Variants in UBN2 observed in about 807,000 individuals in gnomAD.
UBN2 encodes the protein ubinuclein 2, also known as ubinuclein-2.
A neutral mutation model predicts 120.2 loss-of-function variants in UBN2; 35 were observed. The observed-to-expected ratio is 0.29, with a 90% CI of 0.22 to 0.39. The LOEUF (loss-of-function observed/expected upper bound fraction) is 0.39, where lower values mean the gene tolerates loss of function less well. Among genes scored for constraint, UBN2 ranks in the 10% least tolerant of loss-of-function variants. The pLI, the probability that UBN2 is intolerant of heterozygous loss-of-function variation, is 1.00. For missense variants in UBN2, 1,693 were observed against 1,663.2 expected, an observed-to-expected ratio of 1.02 and a Z score of -0.31; for synonymous variants, 661 against 648.7, an observed-to-expected ratio of 1.02 and a Z score of -0.29.
rs1161484759 is a variant in UBN2, at chr7:139,289,414, C to CTTTTTTTT, written c.3670-3809_3670-3802dup. Reference sequence around the variant, plus strand: ...ATTGCCCTCCCTAATTTACATTTTGCTTTTTTTTTTTTTTTTGAGACAGGG... The same window carrying CTTTTTTTT: ...ATTGCCCTCCCTAATTTACATTTTGCTTTTTTTTTTTTTTTTTTTTTTTTGAGACAGGG... On this transcript the variant is annotated intron_variant, in intron 15 of 17. Coordinates refer to ENST00000473989, the MANE Select transcript of UBN2 (RefSeq NM_173569.4). Among the ~76,000 whole-genome samples, 16 of 125,792 alleles carry CTTTTTTTT rather than the reference C, an allele frequency of 1.3e-4. 2 individuals carry two copies. The highest frequency in any genetic ancestry group is 4.4e-4 in the African/African-American group (14 of 32,178). 82.5% of individuals were successfully genotyped at this position (125,792 alleles called of 152,430 possible).
chr7:139,308,493 T>C (rs1337789675), downstream of UBN2, among the ~76,000 whole-genome samples: 8 of 152,158 alleles, frequency 5.3e-5, no homozygotes, highest in Admixed American at 5.2e-4. Context: ...GAGTTCACAG[T>C]GGGGAAGAAA....
In UBN2 at chr7:139,266,177, G is replaced by A. The variant is rs74889126; in HGVS notation, c.1396-156G>A. Among the ~76,000 whole-genome samples the A allele has an allele frequency of 8.7e-3, 1,231 of 141,162 alleles. 10 individuals are homozygous for A. The highest frequency in any genetic ancestry group is 0.015 in the Non-Finnish European group (967 of 66,356). 92.6% of individuals were successfully genotyped at this position (141,162 alleles called of 152,430 possible). The stretch of plus-strand genomic sequence containing the variant: ...AAGCTGTAAGGTGGGAGGATTGCTT[G>A]AGCCCAGAAGTTTGATACCAACCTG... On this transcript the variant is annotated intron_variant, in intron 6 of 17. Transcript: ENST00000473989.
chr7:139,321,219 G>T, the UBN2 span, among the ~76,000 whole-genome samples: 6 of 152,200 alleles, frequency 3.9e-5, no homozygotes, highest in Non-Finnish European at 5.9e-5. Context: ...GCTCCACATT[G>T]GGAAGGATTA....
At chr7:139,250,982 C>T (rs1485177067) in intron 2 of UBN2, among the ~76,000 whole-genome samples, 1 of 151,836 alleles carries the variant, frequency 6.6e-6, no homozygotes, top group Non-Finnish European at 1.5e-5. Flanking sequence ...GAGGCATGCA[C>T]CTGTAGTCCC....
chr7:139,247,277 C>T (rs1796497203), intron 2 of UBN2, among the ~76,000 whole-genome samples: 1 of 152,040 alleles, frequency 6.6e-6, no homozygotes, highest in Non-Finnish European at 1.5e-5. Context: ...GATGTCATCA[C>T]TCTTAATTTT....
chr7:139,253,116 A>G (rs1031736557), intron 3 of UBN2, among the ~76,000 whole-genome samples: 17 of 152,204 alleles, frequency 1.1e-4, no homozygotes, highest in African/African-American at 3.9e-4. Flanking sequence ...ACATGGATAT[A>G]ATCCTTTTAA....
chr7:139,282,000 C>T lies in UBN2; in HGVS notation c.2068-5C>T, dbSNP rs750661554. The T allele has an allele frequency of 2.5e-6, 4 of 1,612,996 alleles. No individual in the cohort carries two copies. The highest frequency in any genetic ancestry group is 3.4e-6 in the Non-Finnish European group (4 of 1,179,282). ...TCTTAACAGCTTGCTTATGTAATAC[C>T]TTAGGAGGTGATGGTAAAGACCCTT... is the stretch of plus-strand genomic sequence containing the variant. On this transcript the variant is annotated splice_region_variant and splice_polypyrimidine_tract_variant and intron_variant, in intron 13 of 17. Coordinates refer to ENST00000473989, the MANE Select transcript of UBN2 (RefSeq NM_173569.4).
chr7:139,268,477 A>G (rs1021222276), intron 7 of UBN2, among the ~76,000 whole-genome samples: 1 of 152,266 alleles, frequency 6.6e-6, no homozygotes, highest in Admixed American at 6.5e-5. Context: ...TTGCTTCCTT[A>G]TACTAGGGAA....
chr7:139,267,473 C>T (rs1029165454), intron 7 of UBN2, among the ~76,000 whole-genome samples: 1 of 151,304 alleles, frequency 6.6e-6, no homozygotes, highest in African/African-American at 2.4e-5. Context: ...GAGATTGAGC[C>T]TGCAGTGAAC....
In UBN2 at chr7:139,237,043, A is replaced by G. The variant is rs1470320544; in HGVS notation, c.507A>G (p.Glu169=). ...LIHTEDPFND[E]HQERQEVEML... is the part of the protein sequence containing the mutation. ...ACACAGAAGACCCATTTAATGATGAACATCAGGAGAGGCAAGAGGTGGAAA... is the reference window on the plus strand; with the variant it reads ...ACACAGAAGACCCATTTAATGATGAGCATCAGGAGAGGCAAGAGGTGGAAA... Residue 169 remains glutamate (E), a synonymous_variant, in exon 2 of 18, where the codon GAA becomes GAG. Transcript: ENST00000473989. 1.5e-5 allele frequency: 24 copies of G among 1,611,664 alleles called. No individual in the cohort carries two copies. Among genetic ancestry groups the G allele is most frequent in the African/African-American group, 4.0e-5 (3 of 74,870 alleles).
chr7:139,270,221 C>G (rs1164662781), intron 8 of UBN2, among the ~76,000 whole-genome samples: 1 of 150,778 alleles, frequency 6.6e-6, no homozygotes, highest in Non-Finnish European at 1.5e-5. Flanking sequence ...TTGTAATGCT[C>G]AATATTGTGC....
In UBN2 at chr7:139,298,418, A is replaced by G. The variant is rs760415563; in HGVS notation, c.*582A>G. ...CTTGAATCTCCTCCAGTGTGTAGCA[A>G]CTTCCCTCAATCAGTGGACTAAAGA... On this transcript the variant is annotated 3_prime_UTR_variant, in exon 18 of 18. Transcript: ENST00000473989. The G allele has an allele frequency of 2.0e-5, 3 of 152,306 alleles. No individual in the cohort carries two copies. The highest frequency in any genetic ancestry group is 4.4e-5 in the Non-Finnish European group (3 of 68,156). 9.4% of individuals were successfully genotyped at this position (152,306 alleles called of 1,614,324 possible). A position where few individuals can be genotyped will look rare whatever the true frequency, so the allele number is the denominator to read the frequency against.
intron 12 of UBN2, among the ~76,000 whole-genome samples, chr7:139,278,618 A>C (rs7796255): frequency 0.63 from 94,294 of 148,942 alleles, 31,315 homozygotes; most frequent in African/African-American, 0.87. Context: ...TGGCCTTCAT[A>C]AAAAAAAAAA....
At chr7:139,310,688 G>A (rs746280281), downstream of UBN2, among the ~76,000 whole-genome samples, 1 of 152,156 alleles carries the variant, frequency 6.6e-6, no homozygotes, top group Non-Finnish European at 1.5e-5. Flanking sequence ...CAGGAGAATC[G>A]CTTGCACCTA....
At chr7:139,273,227 A>G in intron 9 of UBN2, 70 bp from the exon 10 acceptor site, 1 of 979,274 alleles carries the variant, frequency 1.0e-6, no homozygotes, top group Non-Finnish European at 1.5e-6. Context: ...TTCAGCAAGT[A>G]TTTATGGAGC....
At chr7:139,248,124 A>G (rs1382749034) in intron 2 of UBN2, among the ~76,000 whole-genome samples, 2 of 152,214 alleles carry the variant, frequency 1.3e-5, no homozygotes, top group Non-Finnish European at 2.9e-5. Context: ...ATATCTTAAC[A>G]TATTGCTTTC....
intron 11 of UBN2, among the ~76,000 whole-genome samples, chr7:139,274,847 G>A (rs576943904): frequency 5.3e-5 from 8 of 152,036 alleles, no homozygotes; most frequent in African/African-American, 1.9e-4. Context: ...CAGCACTTTG[G>A]AAGGCCAAGG....
At position 139,305,000 on chromosome 7, in the gene UBN2, CTG is replaced by C. The variant is rs148511850; in HGVS notation, c.*7166_*7167del. The stretch of plus-strand genomic sequence containing the variant: ...GTTCATCTATCGTAAAATGTGAACT[CTG>C]TATTCAAAAACTATCTACAGATGCT... On this transcript the variant is annotated 3_prime_UTR_variant, in exon 18 of 18. Transcript: ENST00000473989. 1.7e-3 allele frequency: 256 copies of C among 152,140 alleles called. 2 individuals are homozygous for C. The highest frequency in any genetic ancestry group is 5.9e-3 in the African/African-American group (243 of 41,508). 9.4% of individuals were successfully genotyped at this position (152,140 alleles called of 1,614,324 possible). A position where few individuals can be genotyped will look rare whatever the true frequency, so the allele number is the denominator to read the frequency against.
chr7:139,269,625 T>G, intron 8 of UBN2, 102 bp downstream of exon 8: 1 of 1,260,328 alleles, frequency 7.9e-7, no homozygotes, highest in Non-Finnish European at 1.1e-6. Context: ...TATAGTCATA[T>G]TGTATGTATT....
Sources: gnomAD v4.1 joint callset for allele counts (sites outside exome capture counted in the v4.1 genomes callset) on GRCh38, gnomAD v4.1.1 for gene constraint, MANE v1.5 for transcripts, NCBI Gene and HGNC (gene_info 2026-07-23, HGNC 2026-07-21) for gene names.